The following DRC11 variants were observed in gnomAD, a reference collection of about 807,000 sequenced individuals.
The protein encoded by DRC11 is dynein regulatory complex subunit 11.
the DRC11 span, among the ~76,000 whole-genome samples, chr2:236,358,406 AATAT>A: frequency 1.4e-5 from 2 of 140,978 alleles, no homozygotes; most frequent in African/African-American, 2.6e-5. Context: ...ATCATATATA[AATAT>A]ATATGATATA....
At chr2:236,314,584 T>C in the DRC11 span, among the ~76,000 whole-genome samples, 22 of 152,212 alleles carry the variant, frequency 1.4e-4, no homozygotes, top group East Asian at 4.3e-3. This position sits in a 1 kb window ranked among gnomAD's most constrained non-coding sequence, Gnocchi z 4.5. Context: ...TAAAAACAAA[T>C]AATTAAAATT....
the DRC11 span, among the ~76,000 whole-genome samples, chr2:236,374,625 G>A: frequency 9.9e-5 from 15 of 152,150 alleles, no homozygotes; most frequent in African/African-American, 3.4e-4. Flanking sequence ...CTCACATTGT[G>A]AGAACGAAAG....
At chr2:236,381,833 T>C in the DRC11 span, among the ~76,000 whole-genome samples, 3 of 152,216 alleles carry the variant, frequency 2.0e-5, no homozygotes, top group Admixed American at 2.0e-4. This position sits in a 1 kb window ranked among gnomAD's most constrained non-coding sequence, Gnocchi z 5.8. Flanking sequence ...TCTTTATATG[T>C]TTATTGTTTC....
the DRC11 span, chr2:236,419,325 G>C: frequency 1.6e-5 from 24 of 1,503,194 alleles, no homozygotes; most frequent in Non-Finnish European, 2.0e-5. The surrounding 1 kb of genome is among the most constrained non-coding windows in gnomAD (Gnocchi z 4.8). Flanking sequence ...TCAAGAGAAG[G>C]ACTGTTTTCC....
chr2:236,357,987 AATAT>A, the DRC11 span, among the ~76,000 whole-genome samples: 2 of 116,044 alleles, frequency 1.7e-5, no homozygotes, highest in Non-Finnish European at 3.2e-5. Flanking sequence ...CTCATATATA[AATAT>A]ATATGAATAT....
At chr2:236,349,347 T>C in the DRC11 span, among the ~76,000 whole-genome samples, 1 of 152,228 alleles carries the variant, frequency 6.6e-6, no homozygotes. The surrounding 1 kb of genome is among the most constrained non-coding windows in gnomAD (Gnocchi z 5.5). Flanking sequence ...AGACGTTGTA[T>C]GTAAAAGGTT....
the DRC11 span, among the ~76,000 whole-genome samples, chr2:236,390,645 G>A: frequency 9.9e-5 from 15 of 152,222 alleles, no homozygotes; most frequent in East Asian, 2.5e-3. This position sits in a 1 kb window ranked among gnomAD's most constrained non-coding sequence, Gnocchi z 5.9. Flanking sequence ...GATTTTTGTG[G>A]GTGGGCCCAC....
the DRC11 span, among the ~76,000 whole-genome samples, chr2:236,433,690 T>C: frequency 6.6e-6 from 1 of 152,210 alleles, no homozygotes; most frequent in Non-Finnish European, 1.5e-5. Flanking sequence ...CTTTTCTAAG[T>C]ATTGAACATA....
the DRC11 span, chr2:236,324,430 T>C: frequency 5.6e-6 from 2 of 354,284 alleles, no homozygotes; most frequent in South Asian, 3.8e-5. This position sits in a 1 kb window ranked among gnomAD's most constrained non-coding sequence, Gnocchi z 5.7. Flanking sequence ...TTGGCGTGGA[T>C]TAAAGCTGTG....
chr2:236,478,305 T>C, the DRC11 span, among the ~76,000 whole-genome samples: 3 of 152,208 alleles, frequency 2.0e-5, no homozygotes, highest in Non-Finnish European at 4.4e-5. The surrounding 1 kb of genome is among the most constrained non-coding windows in gnomAD (Gnocchi z 5.9). Context: ...CATTGACCCA[T>C]TGGTCATTCA....
At chr2:236,324,818 A>G in the DRC11 span, 2 of 1,444,904 alleles carry the variant, frequency 1.4e-6, no homozygotes, top group Non-Finnish European at 1.9e-6. The surrounding 1 kb of genome is among the most constrained non-coding windows in gnomAD (Gnocchi z 5.7). Flanking sequence ...AAAGGTCAGA[A>G]TGACACCAAT....
the DRC11 span, among the ~76,000 whole-genome samples, chr2:236,485,868 G>A: frequency 6.6e-6 from 1 of 152,196 alleles, no homozygotes; most frequent in African/African-American, 2.4e-5. Flanking sequence ...TGCACTCGAT[G>A]AGGCAAAGCA....
chr2:236,340,961 A>G, the DRC11 span, among the ~76,000 whole-genome samples: 1 of 152,110 alleles, frequency 6.6e-6, no homozygotes, highest in East Asian at 1.9e-4. Context: ...TCTGTTATGC[A>G]CGAGACCTGT....
At chr2:236,506,802 A>G in the DRC11 span, among the ~76,000 whole-genome samples, 3 of 152,214 alleles carry the variant, frequency 2.0e-5, no homozygotes, top group African/African-American at 4.8e-5. The surrounding 1 kb of genome is among the most constrained non-coding windows in gnomAD (Gnocchi z 4.9). Context: ...TTCAGTACCA[A>G]TGCCACTCGA....
the DRC11 span, among the ~76,000 whole-genome samples, chr2:236,482,007 G>A: frequency 1.4e-5 from 2 of 142,406 alleles, no homozygotes; most frequent in African/African-American, 5.3e-5. The surrounding 1 kb of genome is among the most constrained non-coding windows in gnomAD (Gnocchi z 4.5). Context: ...ATAATTCTAG[G>A]TATAATTCTA....
the DRC11 span, among the ~76,000 whole-genome samples, chr2:236,492,875 G>C: frequency 6.6e-6 from 1 of 152,214 alleles, no homozygotes; most frequent in African/African-American, 2.4e-5. Flanking sequence ...TGTGGACAAA[G>C]GAGGTATCGG....
chr2:236,358,020 TATA>T, the DRC11 span, among the ~76,000 whole-genome samples: 20,254 of 116,594 alleles, frequency 0.17, 2,051 homozygotes, highest in Non-Finnish European at 0.23. Context: ...AATATATAGA[TATA>T]ATATGAATAT....
At chr2:236,333,160 G>A in the DRC11 span, 1 of 152,206 alleles carries the variant, frequency 6.6e-6, no homozygotes, top group Non-Finnish European at 1.5e-5. This position sits in a 1 kb window ranked among gnomAD's most constrained non-coding sequence, Gnocchi z 6.0. Context: ...TTGACTTTCT[G>A]TGGCTGTGTT....
chr2:236,481,185 T>C, the DRC11 span, among the ~76,000 whole-genome samples: 4 of 152,228 alleles, frequency 2.6e-5, no homozygotes, highest in Non-Finnish European at 5.9e-5. Flanking sequence ...GGGATGCTAG[T>C]CCTGCCTTTC....
Sources: allele counts gnomAD v4.1 joint callset (sites outside exome capture counted in the v4.1 genomes callset), GRCh38; gene constraint gnomAD v4.1.1; non-coding constraint Gnocchi (gnomAD v3.1); transcripts MANE v1.5; gene names NCBI Gene and HGNC (gene_info 2026-07-23, HGNC 2026-07-21).